The following TMEM52B variants were observed in gnomAD, a reference collection of about 807,000 sequenced individuals.
The protein encoded by TMEM52B is chromosome 12 open reading frame 59.
In TMEM52B, 11 loss-of-function variants were observed where a neutral mutation model predicts 16.1. The ratio of observed to expected loss-of-function variants is 0.68; its 90% CI spans 0.43 to 1.13. The LOEUF is 1.13. Ranked by LOEUF, TMEM52B falls within the 50% of genes most tolerant of loss-of-function variation. TMEM52B has a pLI of 0.00. For synonymous variants in TMEM52B, 101 were observed against 93.8 expected (o/e 1.08, Z -0.45); for missense variants, 243 against 230.4 (o/e 1.05, Z -0.35).
At chr12:10,170,831 C>G (rs965662192) in exon 1 of TMEM52B, 1 of 152,100 alleles carries the variant, frequency 6.6e-6, no homozygotes, top group South Asian at 2.1e-4. Context: ...AAAAGAAAAT[C>G]ACAGGACCCT....
intron 4 of TMEM52B, among the ~76,000 whole-genome samples, chr12:10,187,205 G>C (rs900059320): frequency 7.0e-6 from 1 of 142,838 alleles, no homozygotes; most frequent in Non-Finnish European, 1.5e-5. Context: ...CCGGGTTCAA[G>C]TAGTTCTCTC....
At chr12:10,178,643 A>AGG (rs1555089682), upstream of TMEM52B, among the ~76,000 whole-genome samples, 1 of 149,856 alleles carries the variant, frequency 6.7e-6, no homozygotes, top group African/African-American at 2.5e-5. Context: ...TCCTTAACCA[A>AGG]AGAGAGAGAG....
At chr12:10,180,275 G>GT (rs3053815) in intron 1 of TMEM52B, among the ~76,000 whole-genome samples, 8,745 of 142,908 alleles carry the variant, frequency 0.061, 407 homozygotes, top group South Asian at 0.17. Flanking sequence ...TGTATGGTTT[G>GT]TTTTTTTTTT....
At chr12:10,180,449 T>C (rs573194249) in intron 1 of TMEM52B, among the ~76,000 whole-genome samples, 1 of 152,332 alleles carries the variant, frequency 6.6e-6, no homozygotes, top group East Asian at 1.9e-4. Flanking sequence ...CTGAGCACTT[T>C]AGGCTTCTCT....
chr12:10,189,355 GGTTCACTCCT>G (rs1422488711), intron 4 of TMEM52B, among the ~76,000 whole-genome samples: 1 of 152,080 alleles, frequency 6.6e-6, no homozygotes, highest in Non-Finnish European at 1.5e-5. Context: ...TGGGTGTGGT[GGTTCACTCCT>G]GTAATCCCAG....
In TMEM52B at chr12:10,191,103, G is replaced by C. The variant is rs546232218; in HGVS notation, c.*963G>C. 1 of 152,138 alleles carries C rather than the reference G, an allele frequency of 6.6e-6. No individual in the cohort carries two copies. The highest frequency in any genetic ancestry group is 2.1e-4 in the South Asian group (1 of 4,830). The allele number at this position is 152,138 out of a possible 1,614,324, so 9.4% of individuals were successfully genotyped here. ...TGAGATGCTTCCCATGGACCATGCC[G>C]CAGCACAGTGCTAATCTATCCACAA... On this transcript the variant is annotated 3_prime_UTR_variant, in exon 5 of 5. Transcript: ENST00000543484.
chr12:10,189,823 GAAGT>G (rs1948935550), intron 4 of TMEM52B, 69 bp from the exon 5 acceptor site: 2 of 1,564,864 alleles, frequency 1.3e-6, no homozygotes, highest in East Asian at 4.5e-5. Flanking sequence ...AGTTAAGTGT[GAAGT>G]AAGTCTCTGC....
chr12:10,185,054 G>A (rs1248325902), intron 2 of TMEM52B, among the ~76,000 whole-genome samples: 1 of 152,164 alleles, frequency 6.6e-6, no homozygotes, highest in Non-Finnish European at 1.5e-5. Flanking sequence ...AATAGGCACA[G>A]ACATGTTTTC....
chr12:10,172,926 CT>C (rs1948735542), intron 1 of TMEM52B, among the ~76,000 whole-genome samples: 1 of 152,056 alleles, frequency 6.6e-6, no homozygotes, highest in Admixed American at 6.6e-5. Context: ...AAATAATAAG[CT>C]TTTTTACACT....
intron 2 of TMEM52B, among the ~76,000 whole-genome samples, chr12:10,184,605 T>C (rs945435079): frequency 2.0e-5 from 3 of 152,132 alleles, no homozygotes; most frequent in African/African-American, 7.2e-5. Flanking sequence ...GTCAGAGGGT[T>C]GGGAGAGTAT....
intron 1 of TMEM52B, chr12:10,182,251 G>A (rs1948833578): frequency 1.0e-6 from 1 of 985,190 alleles, no homozygotes; most frequent in South Asian, 4.7e-5. Context: ...AGAGAGATCA[G>A]GAATTTTCTA....
At chr12:10,176,223 G>A (rs1948764408), upstream of TMEM52B, among the ~76,000 whole-genome samples, 1 of 152,020 alleles carries the variant, frequency 6.6e-6, no homozygotes, top group Admixed American at 6.6e-5. Context: ...GTTAGGGACA[G>A]GATTCAGAGT....
chr12:10,182,749 G>A (rs1031303048), intron 2 of TMEM52B, among the ~76,000 whole-genome samples, 156 bp downstream of exon 2: 4 of 152,048 alleles, frequency 2.6e-5, no homozygotes, highest in African/African-American at 4.8e-5. Context: ...AAATAAAGAC[G>A]TGTTTTTGTC....
At chr12:10,184,230 C>T (rs892592380) in intron 2 of TMEM52B, among the ~76,000 whole-genome samples, 4 of 152,316 alleles carry the variant, frequency 2.6e-5, no homozygotes, top group African/African-American at 9.6e-5. Flanking sequence ...TTCCCACATG[C>T]TTTGCTCTAC....
intron 3 of TMEM52B, 44 bp from the exon 4 acceptor site, chr12:10,186,376 A>G: frequency 6.5e-7 from 1 of 1,527,324 alleles, no homozygotes; most frequent in Non-Finnish European, 8.9e-7. Context: ...GCTGGGAAAA[A>G]AGCCAGATCC....
Position 10,179,531 on chromosome 12 carries a change from C to T in TMEM52B, c.-44C>T, listed in dbSNP as rs369790707. On this transcript the variant is annotated 5_prime_UTR_variant, in exon 1 of 5. The change creates a new upstream start codon in the 5' untranslated region. Transcript: ENST00000543484. Reference sequence around the variant, plus strand: ...GGCACAGAGCATTGAAAGGAGGCAACGGATGCCCAGTGCAAGATTCTGAAG... The same window carrying T: ...GGCACAGAGCATTGAAAGGAGGCAATGGATGCCCAGTGCAAGATTCTGAAG... 6.2e-5 allele frequency: 100 copies of T among 1,602,910 alleles called. No homozygotes were observed. Among genetic ancestry groups the T allele is most frequent in the Non-Finnish European group, 7.4e-5 (87 of 1,169,810 alleles).
intron 4 of TMEM52B, among the ~76,000 whole-genome samples, chr12:10,189,215 A>G (rs960545876): frequency 2.0e-5 from 3 of 151,302 alleles, no homozygotes; most frequent in Non-Finnish European, 3.0e-5. Flanking sequence ...AAAAAAAAAA[A>G]AAAGAAAAGA....
intron 4 of TMEM52B, among the ~76,000 whole-genome samples, chr12:10,187,099 GTTT>G (rs71049057): frequency 2.4e-5 from 2 of 82,180 alleles, no homozygotes; most frequent in African/African-American, 9.9e-5. Context: ...TTCCATGACG[GTTT>G]TTTTTTTTTT....
In TMEM52B at chr12:10,186,556, G is replaced by C; in HGVS notation, c.274G>C (p.Asp92His). ...CTGTGAAGTGACCGTCATTGCTTTC[G>C]ATCACGACAGCACTCTCCAGAGCAC... ...PPCEVTVIAF[D>H]HDSTLQSTIT... Residue 92 changes from aspartate to histidine, a missense_variant, in exon 4 of 5, where the codon GAT becomes CAT. Transcript: ENST00000543484. 1.2e-6 allele frequency: 2 copies of C among 1,607,772 alleles called. No individual in the cohort carries two copies. The highest frequency in any genetic ancestry group is 1.7e-6 in the Non-Finnish European group (2 of 1,175,224).
Sources: allele counts gnomAD v4.1 joint callset (sites outside exome capture counted in the v4.1 genomes callset), GRCh38; gene constraint gnomAD v4.1.1; transcripts MANE v1.5; gene names NCBI Gene and HGNC (gene_info 2026-07-23, HGNC 2026-07-21).